ZFHX4: variants seen among roughly 807,000 people sequenced by gnomAD.
ZFHX4 encodes the protein zinc finger homeobox protein 4.
ZFHX4 carries 56 observed loss-of-function variants against 267.6 expected under a neutral mutation model. That is an observed-to-expected ratio of 0.21 (90% confidence interval 0.17 to 0.26). The LOEUF (loss-of-function observed/expected upper bound fraction) is 0.26. Among genes scored for constraint, ZFHX4 ranks in the 10% least tolerant of loss-of-function variants. The pLI is 1.00. For synonymous variants in ZFHX4, 1,778 were observed against 1,665.6 expected, an observed-to-expected ratio of 1.07 and a Z score of -1.64; for missense variants, 4,332 against 4,420.0, an observed-to-expected ratio of 0.98 and a Z score of 0.56.
In ZFHX4 at chr8:76,704,978, C is replaced by G; in HGVS notation, c.890C>G (p.Ala297Gly). 10 of 1,613,954 alleles carry G rather than the reference C, an allele frequency of 6.2e-6. No individual in the cohort carries two copies. The highest frequency in any genetic ancestry group is 8.5e-6 in the Non-Finnish European group (10 of 1,179,868). Residue 297 changes from alanine to glycine, a missense_variant, in exon 2 of 11, where the codon GCT (alanine) becomes GGT (glycine). By Grantham distance (60) the Ala-to-Gly change is moderately conservative. Coordinates refer to ENST00000651372, the MANE Select transcript of ZFHX4 (RefSeq NM_024721.5). Reference protein sequence around the residue: ...FGYIRSFVTHAVHDHRMTLND... With the variant: ...FGYIRSFVTHGVHDHRMTLND... ...TATATCAGGTCATTTGTAACCCATG[C>G]TGTGCATGATCATCGGATGACCCTC...
intron 4 of ZFHX4, among the ~76,000 whole-genome samples, chr8:76,815,801 T>G (rs1222831995): frequency 6.6e-6 from 1 of 152,184 alleles, no homozygotes; most frequent in African/African-American, 2.4e-5. Context: ...GCATCTGGCC[T>G]GCAATTTCTT....
At chr8:76,829,145 A>T (rs1171936492) in intron 4 of ZFHX4, among the ~76,000 whole-genome samples, 1 of 152,132 alleles carries the variant, frequency 6.6e-6, no homozygotes, top group Non-Finnish European at 1.5e-5. Flanking sequence ...GGTTAAATTT[A>T]TTCCGATATC....
In ZFHX4 at chr8:76,706,609, G is replaced by C; in HGVS notation, c.2521G>C (p.Asp841His). The change falls in exon 2 of 11, where the codon GAC becomes CAC. Residue 841 changes from aspartate to histidine, a missense_variant. Transcript: ENST00000651372. ...LTGMKLENPA[D>H]PQLMINPFQL... is the part of the protein sequence containing the mutation. ...CGGAATGAAGCTGGAAAACCCTGCC[G>C]ACCCTCAGCTGATGATCAATCCATT... is the stretch of plus-strand genomic sequence containing the variant. 6.2e-7 allele frequency: 1 copy of C among 1,608,060 alleles called. No individual in the cohort carries two copies.
chr8:76,852,860 A>T lies in ZFHX4; in HGVS notation c.5939A>T (p.Lys1980Ile). The T allele has an allele frequency of 1.2e-6, 2 of 1,613,738 alleles. No individual in the cohort carries two copies. The highest frequency in any genetic ancestry group is 1.7e-6 in the Non-Finnish European group (2 of 1,179,840). The change falls in exon 10 of 11, where the codon AAA becomes ATA. Residue 1980 changes from lysine to isoleucine, a missense_variant. This residue lies in a region of ZFHX4 where 1,371 missense variants were observed against 1,423.1 expected (regional missense o/e 0.96). Coordinates refer to ENST00000651372, the MANE Select transcript of ZFHX4 (RefSeq NM_024721.5). ...TTTTTTCCATATGCAGCGCTAGAAA[A>T]ATTTGCTCGTCAATACAGGGAGGCC... is the stretch of plus-strand genomic sequence containing the variant. ...GQFFPYAALE[K>I]FARQYREAYD...
chr8:76,698,922 C>G (rs1299555625), intron 1 of ZFHX4, among the ~76,000 whole-genome samples: 1 of 152,138 alleles, frequency 6.6e-6, no homozygotes, highest in Non-Finnish European at 1.5e-5. Context: ...TTCCTTCTTG[C>G]AGAAGCATTT....
At chr8:76,801,223 A>G (rs956216302) in intron 4 of ZFHX4, among the ~76,000 whole-genome samples, 3 of 152,154 alleles carry the variant, frequency 2.0e-5, no homozygotes, top group Non-Finnish European at 2.9e-5. Context: ...GTCATTTAGA[A>G]GTGACTTTAA....
chr8:76,706,203 C>T lies in ZFHX4; in HGVS notation c.2115C>T (p.Asn705=), dbSNP rs1315883966. 1 of 1,613,958 alleles carries T rather than the reference C, an allele frequency of 6.2e-7. No homozygotes were observed. The highest frequency in any genetic ancestry group is 8.5e-7 in the Non-Finnish European group (1 of 1,180,024). The change falls in exon 2 of 11, where the codon AAC becomes AAT. Residue 705 remains asparagine, a synonymous_variant. Coordinates refer to ENST00000651372, the MANE Select transcript of ZFHX4 (RefSeq NM_024721.5). ...AACCCTTCCGTTGTGAGGTTTGTAACTACTCTACCACTACCAAAGGCAACC... is the reference window on the plus strand; with the variant it reads ...AACCCTTCCGTTGTGAGGTTTGTAATTACTCTACCACTACCAAAGGCAACC... ...GYKPFRCEVC[N]YSTTTKGNLS...
chr8:76,802,812 G>A (rs1315644742), intron 4 of ZFHX4, among the ~76,000 whole-genome samples: 2 of 152,094 alleles, frequency 1.3e-5, no homozygotes, highest in Non-Finnish European at 2.9e-5. Flanking sequence ...TCAAATAGTT[G>A]TTGTTTTGAG....
intron 3 of ZFHX4, among the ~76,000 whole-genome samples, chr8:76,742,944 T>C (rs1339208438): frequency 6.8e-6 from 1 of 146,502 alleles, no homozygotes; most frequent in East Asian, 2.0e-4. Context: ...GTTAGATAAT[T>C]TGAAGCTCAG....
chr8:76,749,244 A>G (rs967021259), intron 3 of ZFHX4, among the ~76,000 whole-genome samples: 1 of 152,188 alleles, frequency 6.6e-6, no homozygotes, highest in African/African-American at 2.4e-5. Flanking sequence ...AATTTAATGT[A>G]AATTTTTCAC....
intron 3 of ZFHX4, among the ~76,000 whole-genome samples, chr8:76,724,974 T>G (rs574431608): frequency 6.6e-6 from 1 of 152,208 alleles, no homozygotes; most frequent in African/African-American, 2.4e-5. Flanking sequence ...TCTGTCTGTG[T>G]AGATTTGGAT....
At chr8:76,837,074 T>C (rs147225157) in intron 5 of ZFHX4, among the ~76,000 whole-genome samples, 52 of 152,230 alleles carry the variant, frequency 3.4e-4, no homozygotes, top group Admixed American at 3.2e-3. Context: ...CTAAACTAGA[T>C]AGACTTTTTG....
At chr8:76,697,962 A>G (rs1808002545) in intron 1 of ZFHX4, among the ~76,000 whole-genome samples, 1 of 152,120 alleles carries the variant, frequency 6.6e-6, no homozygotes, top group Non-Finnish European at 1.5e-5. Context: ...AAAAGTCAGT[A>G]TATTCTCAGT....
chr8:76,809,471 A>G (rs1585967931), intron 4 of ZFHX4, among the ~76,000 whole-genome samples: 1 of 152,200 alleles, frequency 6.6e-6, no homozygotes, highest in East Asian at 1.9e-4. Flanking sequence ...ATTGTATTAC[A>G]TGAAATTCAT....
At chr8:76,684,654 C>T (rs886829274) in intron 1 of ZFHX4, among the ~76,000 whole-genome samples, 2 of 152,156 alleles carry the variant, frequency 1.3e-5, no homozygotes, top group Admixed American at 1.3e-4. Context: ...ATAGCACCAA[C>T]TGTGGGGTTA....
At chr8:76,782,245 C>G in intron 4 of ZFHX4, 1 of 423,112 alleles carries the variant, frequency 2.4e-6, no homozygotes, top group South Asian at 1.7e-5. Flanking sequence ...TGAGGAATTT[C>G]TGGAGATTTA....
At chr8:76,727,296 C>A (rs766365759) in intron 3 of ZFHX4, among the ~76,000 whole-genome samples, 1 of 151,856 alleles carries the variant, frequency 6.6e-6, no homozygotes, top group South Asian at 2.1e-4. Flanking sequence ...TTTCTTCCAT[C>A]GTTTTCAACA....
chr8:76,698,624 G>T (rs915246287), intron 1 of ZFHX4, among the ~76,000 whole-genome samples: 3 of 151,952 alleles, frequency 2.0e-5, no homozygotes, highest in African/African-American at 7.2e-5. Flanking sequence ...CAATCACAGG[G>T]TCCCATTTAC....
chr8:76,781,609 A>G (rs1810550108), intron 4 of ZFHX4, among the ~76,000 whole-genome samples: 1 of 152,054 alleles, frequency 6.6e-6, no homozygotes, highest in Non-Finnish European at 1.5e-5. Flanking sequence ...TTGACCTATT[A>G]ACTTTTTATC....
Sources: allele counts gnomAD v4.1 joint callset (sites outside exome capture counted in the v4.1 genomes callset), GRCh38; gene constraint gnomAD v4.1.1; regional missense constraint gnomAD v4.1.1; transcripts MANE v1.5; gene names NCBI Gene and HGNC (gene_info 2026-07-23, HGNC 2026-07-21).